Variants in ACIN1 observed in about 807,000 individuals in gnomAD.
ACIN1 encodes the protein apoptotic chromatin condensation inducer in the nucleus.
In ACIN1, 16 loss-of-function variants were observed where a neutral mutation model predicts 146.6. The observed-to-expected ratio is 0.11, with a 90% CI of 0.07 to 0.17. The LOEUF is 0.17. Ranked by LOEUF, ACIN1 falls within the 10% of genes least tolerant of loss-of-function variation. The pLI, the probability that ACIN1 is intolerant of heterozygous loss-of-function variation, is 1.00. For missense variants in ACIN1, 1,357 were observed against 1,609.3 expected (o/e 0.84, Z 2.68); for synonymous variants, 569 against 582.7 (o/e 0.98, Z 0.34).
At chr14:23,079,172 G>A in intron 6 of ACIN1, 134 bp from the exon 7 acceptor site, 1 of 946,694 alleles carries the variant, frequency 1.1e-6, no homozygotes, top group Middle Eastern at 3.3e-4. Flanking sequence ...CTCCCATTTT[G>A]TCTGTGTTTA....
rs758632068 is a variant in ACIN1 at position 23,090,551 on chromosome 14, C to T, written c.287G>A (p.Arg96His). 2 of 1,614,054 alleles carry T rather than the reference C, an allele frequency of 1.2e-6. No individual in the cohort carries two copies. The highest frequency in any genetic ancestry group is 1.1e-5 in the South Asian group (1 of 91,076). The change falls in exon 3 of 19, where the codon CGT becomes CAT. Residue 96 changes from arginine to histidine, a missense_variant. Around this residue, in one of 4 missense-constraint regions of ACIN1, gnomAD observed 55 missense variants for 123.9 expected, o/e 0.44. Transcript: ENST00000605057. ...QQELLRQRLEREAREAAELEE... is the reference protein window; with the variant it reads ...QQELLRQRLEHEAREAAELEE... ...AAGTTCTGCAGCTTCTCGAGCTTCA[C>T]GTTCCAGACGCTGCCTAAGTAGCTC...
At chr14:23,064,537 C>G (rs748350425) in intron 10 of ACIN1, 49 bp from the exon 11 acceptor site, 11 of 1,602,180 alleles carry the variant, frequency 6.9e-6, no homozygotes, top group Non-Finnish European at 9.4e-6. Flanking sequence ...AGGACCTCTG[C>G]TAGTTCAAAC....
chr14:23,068,831 T>C lies in ACIN1; in HGVS notation c.2265+645A>G, dbSNP rs894716110. ...TTACCCCTCTCCTAAACCCAGCTCATTCTTTCTCAATTACTTTAAGAGCCA... is the reference window on the plus strand; with the variant it reads ...TTACCCCTCTCCTAAACCCAGCTCACTCTTTCTCAATTACTTTAAGAGCCA... On this transcript the variant is annotated intron_variant, in intron 9 of 18. Coordinates refer to ENST00000605057, the MANE Select transcript of ACIN1 (RefSeq NM_001386863.1). This position sits in a 1 kb window ranked among gnomAD's most constrained non-coding sequence, Gnocchi z 4.3. The C allele has an allele frequency of 1.0e-6, 1 of 985,450 alleles. No homozygotes were observed. The highest frequency in any genetic ancestry group is 1.2e-6 in the Non-Finnish European group (1 of 829,954). The allele number at this position is 985,450 out of a possible 1,614,324, so 61.0% of individuals were successfully genotyped here. A position where few individuals can be genotyped will look rare whatever the true frequency, so the allele number is the denominator to read the frequency against.
At chr14:23,078,549 G>A (rs1031817770) in intron 7 of ACIN1, among the ~76,000 whole-genome samples, 17 of 152,242 alleles carry the variant, frequency 1.1e-4, no homozygotes, top group African/African-American at 4.1e-4. Flanking sequence ...TGAGAGAACT[G>A]AGAAAAGGCT....
Position 23,069,598 on chromosome 14 carries a change from T to A in ACIN1, c.2143A>T (p.Thr715Ser). The A allele has an allele frequency of 7.3e-7, 1 of 1,367,484 alleles. No individual in the cohort carries two copies. The highest frequency in any genetic ancestry group is 9.8e-7 in the Non-Finnish European group (1 of 1,024,070). The allele number at this position is 1,367,484 out of a possible 1,614,324, so 84.7% of individuals were successfully genotyped here. The change falls in exon 9 of 19, where the codon ACC becomes TCC. Residue 715 changes from threonine to serine, a missense_variant. Around this residue, in one of 4 missense-constraint regions of ACIN1, gnomAD observed 771 missense variants for 746.6 expected, o/e 1.03. Transcript: ENST00000605057. ...HHTVEEKEEV[T>S]MDTSENRPEN... Reference sequence around the variant, plus strand: ...GGTCTGTTTTCACTTGTGTCCATGGTCACTTCCTCCTTCTCCTCACTGACA... The same window carrying A: ...GGTCTGTTTTCACTTGTGTCCATGGACACTTCCTCCTTCTCCTCACTGACA...
In ACIN1 at chr14:23,059,397, CTCT is replaced by C. The variant is rs763316498; in HGVS notation, c.3600_3602del (p.Glu1201del). On this transcript the variant is annotated inframe_deletion, in exon 19 of 19. Transcript: ENST00000605057. ...CGGCTTCCTTCTCCCGCTCCTTTTG[CTCT>C]TCTTCTTCTTGCTCCTTTCGCCGCT... The C allele has an allele frequency of 3.8e-5, 62 of 1,613,240 alleles. No homozygotes were observed. Among genetic ancestry groups the C allele is most frequent in the South Asian group, 5.5e-5 (5 of 91,084 alleles).
Position 23,061,748 on chromosome 14 carries a change from C to T in ACIN1, c.3100-126G>A, listed in dbSNP as rs2047289900. 1.0e-5 allele frequency: 8 copies of T among 800,314 alleles called. No individual in the cohort carries two copies. The South Asian group carries it at 1.5e-4, about 15-fold the overall frequency. 49.6% of individuals were successfully genotyped at this position (800,314 alleles called of 1,614,324 possible). The stretch of plus-strand genomic sequence containing the variant: ...CAGCACTTTGGGAGGCCAAGGCGGT[C>T]AGATCACGAGGTCAGGAGACCGAGA... On this transcript the variant is annotated intron_variant, in intron 16 of 18. Transcript: ENST00000605057.
At chr14:23,062,070 A>T in intron 16 of ACIN1, 98 bp downstream of exon 16, 1 of 976,506 alleles carries the variant, frequency 1.0e-6, no homozygotes. Flanking sequence ...AAAGAACAGA[A>T]GCTCAGAGAC....
intron 8 of ACIN1, among the ~76,000 whole-genome samples, chr14:23,075,002 T>A (rs899138249): frequency 1.3e-5 from 2 of 152,240 alleles, no homozygotes; most frequent in African/African-American, 2.4e-5. Flanking sequence ...TTTTGGGGTA[T>A]ATGTCCTTAG....
Position 23,068,581 on chromosome 14 carries a change from G to A in ACIN1, c.2265+895C>T, listed in dbSNP as rs933274394. The A allele has an allele frequency of 1.0e-6, 1 of 985,822 alleles. No individual in the cohort carries two copies. Among genetic ancestry groups the A allele is most frequent in the African/African-American group, 1.7e-5 (1 of 57,252 alleles). 61.1% of individuals were successfully genotyped at this position (985,822 alleles called of 1,614,324 possible). ...TTGGCTCTGATTGGGCAGCTCAGTA[G>A]CAGCGGGTGGGTCCAGAGGAAGAGG... On this transcript the variant is annotated intron_variant, in intron 9 of 18. Coordinates refer to ENST00000605057, the MANE Select transcript of ACIN1 (RefSeq NM_001386863.1). This position sits in a 1 kb window ranked among gnomAD's most constrained non-coding sequence, Gnocchi z 4.3.
chr14:23,078,993 C>G lies in ACIN1; in HGVS notation c.1834G>C (p.Glu612Gln). ...VSRDSSTSYT[E>Q]TKDPSSGQEV... ...TGACCAGAAGAGGGATCTTTGGTTTCAGTATAGCTGGTGCTGCTGTCCCTG... is the reference window on the plus strand; with the variant it reads ...TGACCAGAAGAGGGATCTTTGGTTTGAGTATAGCTGGTGCTGCTGTCCCTG... Residue 612 changes from glutamate (E) to glutamine (Q), a missense_variant, in exon 7 of 19, where the codon GAA becomes CAA. Glu to Gln is a conservative substitution (Grantham distance 29). This residue lies in a region of ACIN1 where 771 missense variants were observed against 746.6 expected (regional missense o/e 1.03). Transcript: ENST00000605057. The G allele has an allele frequency of 3.1e-6, 5 of 1,614,154 alleles. No individual in the cohort carries two copies. Among genetic ancestry groups the G allele is most frequent in the Non-Finnish European group, 4.2e-6 (5 of 1,180,024 alleles).
chr14:23,084,005 G>T lies in ACIN1; in HGVS notation c.437-2169C>A, dbSNP rs564754262. 2.6e-5 allele frequency among the ~76,000 whole-genome samples: 4 copies of T among 151,518 alleles called. No homozygotes were observed. The South Asian group carries it at 8.4e-4, about 32-fold the overall frequency. The stretch of plus-strand genomic sequence containing the variant: ...CTCGTTGCCCAGGCTGGAGTGCAAT[G>T]GCACGATTTCGGTTCACTGCAACCT... On this transcript the variant is annotated intron_variant, in intron 4 of 18. Coordinates refer to ENST00000605057, the MANE Select transcript of ACIN1 (RefSeq NM_001386863.1).
In ACIN1 at chr14:23,059,363, G is replaced by A. The variant is rs2139970256; in HGVS notation, c.3637C>T (p.Arg1213Trp). 2 of 1,612,474 alleles carry A rather than the reference G, an allele frequency of 1.2e-6. No individual in the cohort carries two copies. Among genetic ancestry groups the A allele is most frequent in the South Asian group, 1.1e-5 (1 of 91,044 alleles). Reference sequence around the variant, plus strand: ...TTCTCTCGCTCCAGCTGTCGGTTCCGTTCCCGCTCGGCTTCCTTCTCCCGC... The same window carrying A: ...TTCTCTCGCTCCAGCTGTCGGTTCCATTCCCGCTCGGCTTCCTTCTCCCGC... ...KEREKEAERE[R>W]NRQLEREKRR... The change falls in exon 19 of 19, where the codon CGG (arginine) becomes TGG (tryptophan). Residue 1213 changes from arginine (R) to tryptophan (W), a missense_variant. Arg to Trp is a moderately radical substitution (Grantham distance 101). This residue lies in a region of ACIN1 where 509 missense variants were observed against 719.6 expected (regional missense o/e 0.71). Coordinates refer to ENST00000605057, the MANE Select transcript of ACIN1 (RefSeq NM_001386863.1).
intron 4 of ACIN1, among the ~76,000 whole-genome samples, chr14:23,089,392 T>C (rs1037944783): frequency 8.5e-5 from 13 of 152,130 alleles, no homozygotes; most frequent in African/African-American, 2.9e-4. Context: ...AGAAATTAAT[T>C]AATCTTGCCT....
Position 23,080,172 on chromosome 14 carries a change from G to T in ACIN1, c.1163C>A (p.Pro388His), listed in dbSNP as rs753063259. The part of the protein sequence containing the change: ...EEIEPMEGPA[P>H]AVLIQLSPPN... ...AGGAGATAACTGAATGAGGACAGCG[G>T]GGGCTGGGCCTTCCATGGGCTCTAT... Residue 388 changes from proline to histidine, a missense_variant, in exon 6 of 19, where the codon CCC becomes CAC. Around this residue, in one of 4 missense-constraint regions of ACIN1, gnomAD observed 771 missense variants for 746.6 expected, o/e 1.03. Transcript: ENST00000605057. The T allele has an allele frequency of 6.2e-7, 1 of 1,614,134 alleles. No homozygotes were observed. Among genetic ancestry groups the T allele is most frequent in the Non-Finnish European group, 8.5e-7 (1 of 1,179,996 alleles).
In ACIN1 at chr14:23,067,598, A is replaced by C; in HGVS notation, c.2266-1590T>G. 1 of 985,730 alleles carries C rather than the reference A, an allele frequency of 1.0e-6. No individual in the cohort carries two copies. The highest frequency in any genetic ancestry group is 1.2e-6 in the Non-Finnish European group (1 of 829,968). The allele number at this position is 985,730 out of a possible 1,614,324, so 61.1% of individuals were successfully genotyped here. A position where few individuals can be genotyped will look rare whatever the true frequency, so the allele number is the denominator to read the frequency against. Reference sequence around the variant, plus strand: ...AGGCTCAGCGAGGGATAGAGGGGGGAAAGGGGCAGAGACATCAGTCCTGGC... The same window carrying C: ...AGGCTCAGCGAGGGATAGAGGGGGGCAAGGGGCAGAGACATCAGTCCTGGC... On this transcript the variant is annotated intron_variant, in intron 9 of 18. Coordinates refer to ENST00000605057, the MANE Select transcript of ACIN1 (RefSeq NM_001386863.1). The surrounding 1 kb of genome is among the most constrained non-coding windows in gnomAD (Gnocchi z 4.6).
chr14:23,063,607 CT>C, intron 12 of ACIN1, 30 bp from the exon 13 acceptor site: 2 of 1,613,378 alleles, frequency 1.2e-6, no homozygotes, highest in Non-Finnish European at 1.7e-6. Context: ...CACAGCAGGT[CT>C]GTTAAACACC....
At chr14:23,073,211 C>G (rs1347129551) in intron 8 of ACIN1, among the ~76,000 whole-genome samples, 1 of 152,198 alleles carries the variant, frequency 6.6e-6, no homozygotes, top group Non-Finnish European at 1.5e-5. Context: ...ACTTTATCTG[C>G]CCCCCATCTC....
chr14:23,079,946 C>G lies in ACIN1; in HGVS notation c.1389G>C (p.Glu463Asp), dbSNP rs2047899687. 1 of 1,614,028 alleles carries G rather than the reference C, an allele frequency of 6.2e-7. No individual in the cohort carries two copies. Among genetic ancestry groups the G allele is most frequent in the Admixed American group, 1.7e-5 (1 of 59,996 alleles). ...GGAGGGGCTGAGCAGATCTGTCTGA[C>G]TCAGGTTCAAGATCCTTCTGGGCTG... ...DYSAQKDLEP[E>D]SDRSAQPLPL... is the part of the protein sequence containing the mutation. Residue 463 changes from glutamate (E) to aspartate (D), a missense_variant, in exon 6 of 19, where the codon GAG becomes GAC. Glu to Asp is a conservative substitution (Grantham distance 45, BLOSUM62 2). This residue lies in a region of ACIN1 where 771 missense variants were observed against 746.6 expected (regional missense o/e 1.03). Coordinates refer to ENST00000605057, the MANE Select transcript of ACIN1 (RefSeq NM_001386863.1).
Sources: gnomAD v4.1 joint callset for allele counts (sites outside exome capture counted in the v4.1 genomes callset) on GRCh38, gnomAD v4.1.1 for gene constraint, gnomAD v4.1.1 regional missense constraint, Gnocchi (gnomAD v3.1) non-coding constraint, MANE v1.5 for transcripts, NCBI Gene and HGNC (gene_info 2026-07-23, HGNC 2026-07-21) for gene names.